ZNF827: variants seen among roughly 807,000 people sequenced by gnomAD.
ZNF827 encodes zinc finger protein 827.
ZNF827 carries 13 observed loss-of-function variants against 102.4 expected under a neutral mutation model. That is an observed-to-expected ratio of 0.13 (90% confidence interval 0.08 to 0.20). The LOEUF is 0.20. Ranked by LOEUF, ZNF827 falls within the 10% of genes least tolerant of loss-of-function variation. ZNF827 has a pLI of 1.00. For synonymous variants in ZNF827, 523 were observed against 536.2 expected, an observed-to-expected ratio of 0.98 and a Z score of 0.34; for missense variants, 1,103 against 1,344.4, an observed-to-expected ratio of 0.82 and a Z score of 2.81.
chr4:145,824,652 C>CT (rs1309498118), intron 7 of ZNF827, among the ~76,000 whole-genome samples: 1 of 152,150 alleles, frequency 6.6e-6, no homozygotes, highest in East Asian at 1.9e-4. Flanking sequence ...CCCCCTACCT[C>CT]TCACCAGTGC....
intron 4 of ZNF827, among the ~76,000 whole-genome samples, chr4:145,885,288 G>A (rs1750011664): frequency 6.6e-6 from 1 of 151,950 alleles, no homozygotes. Flanking sequence ...ATGCCAAAAT[G>A]AGGTATTTCA....
At chr4:145,831,174 A>G (rs955134085) in intron 7 of ZNF827, 2 of 152,222 alleles carry the variant, frequency 1.3e-5, no homozygotes, top group African/African-American at 4.8e-5. Context: ...GGGGTGGACA[A>G]GAGTGCCCAA....
At chr4:145,920,454 G>A (rs565157653) in intron 1 of ZNF827, among the ~76,000 whole-genome samples, 1 of 152,300 alleles carries the variant, frequency 6.6e-6, no homozygotes, top group East Asian at 1.9e-4. Context: ...ATCCCCTGCA[G>A]CATACGCCAC....
chr4:145,870,209 T>G (rs1748556725), intron 5 of ZNF827, 36 bp downstream of exon 5: 1 of 1,600,112 alleles, frequency 6.2e-7, no homozygotes, highest in South Asian at 1.1e-5. Flanking sequence ...CAAGTGAAAC[T>G]ATCAGAATGT....
chr4:145,783,049 CT>C (rs1738326858), intron 8 of ZNF827, among the ~76,000 whole-genome samples: 1 of 150,978 alleles, frequency 6.6e-6, no homozygotes, highest in African/African-American at 2.4e-5. Context: ...TATTATATCA[CT>C]TGTTTACATA....
chr4:145,935,330 C>T (rs1394153329), intron 1 of ZNF827, among the ~76,000 whole-genome samples: 4 of 152,082 alleles, frequency 2.6e-5, no homozygotes, highest in African/African-American at 9.7e-5. Flanking sequence ...CTAATTTTTC[C>T]CAAAGTCAAT....
intron 4 of ZNF827, among the ~76,000 whole-genome samples, chr4:145,870,930 G>A (rs185426865): frequency 2.6e-5 from 4 of 152,254 alleles, no homozygotes; most frequent in Admixed American, 6.5e-5. Context: ...ATGGTAAAGT[G>A]AGGATGGAGA....
chr4:145,823,383 C>T (rs769858558), intron 8 of ZNF827, 39 bp downstream of exon 8: 2 of 1,510,702 alleles, frequency 1.3e-6, no homozygotes, highest in Admixed American at 3.4e-5. Flanking sequence ...AATTCTTAAG[C>T]AATCAACAGT....
At chr4:145,845,909 G>A in intron 7 of ZNF827, 47 bp downstream of exon 7, 1 of 1,599,626 alleles carries the variant, frequency 6.3e-7, no homozygotes, top group Non-Finnish European at 8.6e-7. Context: ...GTACGGGCTG[G>A]TGGCCCACAC....
chr4:145,845,732 A>G (rs1390650853), intron 7 of ZNF827, among the ~76,000 whole-genome samples: 2 of 152,246 alleles, frequency 1.3e-5, no homozygotes, highest in Non-Finnish European at 2.9e-5. Flanking sequence ...AAAATTTCCC[A>G]GCAAAGTGAC....
At chr4:145,894,667 C>A (rs904004836) in intron 2 of ZNF827, among the ~76,000 whole-genome samples, 1 of 152,160 alleles carries the variant, frequency 6.6e-6, no homozygotes, top group African/African-American at 2.4e-5. Flanking sequence ...TGATGTGTTC[C>A]ACCACATGTA....
chr4:145,806,323 T>A (rs531964768), intron 8 of ZNF827, among the ~76,000 whole-genome samples: 1 of 151,892 alleles, frequency 6.6e-6, no homozygotes, highest in South Asian at 2.1e-4. Context: ...AGCTACTTTT[T>A]TTTTGTATTT....
At chr4:145,854,224 G>A (rs1021003734) in intron 5 of ZNF827, among the ~76,000 whole-genome samples, 1 of 151,986 alleles carries the variant, frequency 6.6e-6, no homozygotes, top group Non-Finnish European at 1.5e-5. Context: ...GTTCTGTGTT[G>A]CCTAAGTATT....
At chr4:145,900,632 C>G (rs897367558) in intron 2 of ZNF827, among the ~76,000 whole-genome samples, 1 of 151,896 alleles carries the variant, frequency 6.6e-6, no homozygotes. Flanking sequence ...ATGGTCTTGA[C>G]CCCCTGACCT....
chr4:145,774,464 G>C, intron 11 of ZNF827, 42 bp downstream of exon 11: 1 of 1,582,404 alleles, frequency 6.3e-7, no homozygotes, highest in Non-Finnish European at 8.6e-7. Flanking sequence ...GGGGTGCAGG[G>C]GATGGAGAAG....
chr4:145,937,614 C>G (rs1469699041), intron 1 of ZNF827, among the ~76,000 whole-genome samples: 1 of 145,952 alleles, frequency 6.9e-6, no homozygotes, highest in Non-Finnish European at 1.5e-5. Context: ...AGCAGCCGCC[C>G]GGCGGCGCGT....
At chr4:145,851,700 C>T (rs564218582) in intron 5 of ZNF827, among the ~76,000 whole-genome samples, 1 of 152,076 alleles carries the variant, frequency 6.6e-6, no homozygotes, top group South Asian at 2.1e-4. Flanking sequence ...ATCCCTCCCC[C>T]CTTTCCCTAC....
intron 4 of ZNF827, among the ~76,000 whole-genome samples, chr4:145,883,767 C>A (rs1749879938): frequency 6.6e-6 from 1 of 152,118 alleles, no homozygotes; most frequent in South Asian, 2.1e-4. Flanking sequence ...GGAAATGTCC[C>A]CCTTTCTAAG....
Position 145,938,695 on chromosome 4 carries a change from G to A in ZNF827, c.-288C>T, listed in dbSNP as rs993474424. On this transcript the variant is annotated 5_prime_UTR_variant, in exon 1 of 15. Transcript: ENST00000508784. Reference sequence around the variant, plus strand: ...GAGCGTAATATTCTTCAATGGAAACGGATCTAATAGGTGTGAGTGTGTGTG... The same window carrying A: ...GAGCGTAATATTCTTCAATGGAAACAGATCTAATAGGTGTGAGTGTGTGTG... 8.7e-6 allele frequency: 4 copies of A among 461,620 alleles called. No individual in the cohort carries two copies. The highest frequency in any genetic ancestry group is 5.9e-5 in the African/African-American group (3 of 50,950). The allele number at this position is 461,620 out of a possible 1,614,324, so 28.6% of individuals were successfully genotyped here.
Sources: gnomAD v4.1 joint callset for allele counts (sites outside exome capture counted in the v4.1 genomes callset) on GRCh38, gnomAD v4.1.1 for gene constraint, MANE v1.5 for transcripts, NCBI Gene and HGNC (gene_info 2026-07-23, HGNC 2026-07-21) for gene names.